PLA2R1: variants seen among roughly 807,000 people sequenced by gnomAD.
PLA2R1 encodes the protein phospholipase A2 receptor 1, also known as secretory phospholipase A2 receptor.
Under a neutral mutation model 195.9 loss-of-function variants are expected in PLA2R1, and 158 were observed. The ratio of observed to expected loss-of-function variants is 0.81; its 90% CI spans 0.71 to 0.92. The LOEUF is 0.92. Among genes scored for constraint, PLA2R1 ranks in the 40% least tolerant of loss-of-function variants. The pLI, the probability that PLA2R1 is intolerant of heterozygous loss-of-function variation, is 0.00. For synonymous variants in PLA2R1, 586 were observed against 598.2 expected, an observed-to-expected ratio of 0.98 and a Z score of 0.30; for missense variants, 1,626 against 1,764.6, an observed-to-expected ratio of 0.92 and a Z score of 1.41.
At chr2:159,942,058 T>C (rs1326535571) in intron 29 of PLA2R1, 66 bp from the exon 30 acceptor site, 3 of 1,555,962 alleles carry the variant, frequency 1.9e-6, no homozygotes, top group Non-Finnish European at 1.8e-6. Flanking sequence ...ATAGATACTG[T>C]CATACAGCTG....
intron 3 of PLA2R1, among the ~76,000 whole-genome samples, chr2:160,035,683 T>C (rs1464715706): frequency 1.3e-5 from 2 of 152,156 alleles, no homozygotes; most frequent in African/African-American, 4.8e-5. Flanking sequence ...CCAGAATCTT[T>C]TTCATGGTGT....
chr2:160,010,364 C>CA (rs1329592852), intron 10 of PLA2R1, among the ~76,000 whole-genome samples: 1 of 152,180 alleles, frequency 6.6e-6, no homozygotes, highest in African/African-American at 2.4e-5. Context: ...AATCAGCAAG[C>CA]AAACAAAAAT....
intron 11 of PLA2R1, among the ~76,000 whole-genome samples, chr2:159,990,753 G>A (rs531237086): frequency 6.6e-6 from 1 of 152,300 alleles, no homozygotes; most frequent in South Asian, 2.1e-4. Context: ...GAAACTCTTC[G>A]AGACAGGCAT....
In PLA2R1 at chr2:159,951,404, G is replaced by C; in HGVS notation, c.3476C>G (p.Ser1159Cys). 6.2e-7 allele frequency: 1 copy of C among 1,613,960 alleles called. No homozygotes were observed. The highest frequency in any genetic ancestry group is 8.5e-7 in the Non-Finnish European group (1 of 1,179,858). Residue 1159 changes from serine (S) to cysteine (C), a missense_variant, in exon 24 of 30, where the codon TCC becomes TGC. By Grantham distance (112) the Ser-to-Cys change is moderately radical. Coordinates refer to ENST00000283243, the MANE Select transcript of PLA2R1 (RefSeq NM_007366.5). Reference protein sequence around the residue: ...LVSITDQYHQSFLTVVLNRLG... With the variant: ...LVSITDQYHQCFLTVVLNRLG... ...CCGGTTGAGGACAACAGTGAGGAAG[G>C]ACTGGTGATACTGGTCTGTGATGCT... is the stretch of plus-strand genomic sequence containing the variant.
intron 19 of PLA2R1, among the ~76,000 whole-genome samples, 177 bp from the exon 20 acceptor site, chr2:159,967,855 AG>A (rs1688889210): frequency 6.6e-6 from 1 of 152,216 alleles, no homozygotes; most frequent in South Asian, 2.1e-4. Context: ...TAACTGGGCA[AG>A]GCCAACTCAG....
chr2:160,001,625 T>G (rs1691602032), intron 11 of PLA2R1, among the ~76,000 whole-genome samples: 1 of 151,972 alleles, frequency 6.6e-6, no homozygotes, highest in South Asian at 2.1e-4. Context: ...AAAAATGTAC[T>G]AGGCCAATAC....
In PLA2R1 at chr2:159,944,997, G is replaced by C. The variant is rs1271734977; in HGVS notation, c.4053C>G (p.Pro1351=). The C allele has an allele frequency of 1.9e-6, 3 of 1,613,398 alleles. No individual in the cohort carries two copies. Among genetic ancestry groups the C allele is most frequent in the Non-Finnish European group, 2.5e-6 (3 of 1,179,692 alleles). Residue 1351 remains proline (P), a synonymous_variant, in exon 28 of 30, where the codon CCC becomes CCG. Transcript: ENST00000283243. ...IRKPDTDYFK[P]HHCVALRIPE... Reference sequence around the variant, plus strand: ...GGATCCTCAAGGCAACACAATGATGGGGCTTGAAGTAGTCTGTGTCTGGCT... The same window carrying C: ...GGATCCTCAAGGCAACACAATGATGCGGCTTGAAGTAGTCTGTGTCTGGCT...
chr2:159,984,219 G>A, intron 12 of PLA2R1, 146 bp from the exon 13 acceptor site: 1 of 478,980 alleles, frequency 2.1e-6, no homozygotes. Flanking sequence ...AATATTTACT[G>A]AATTAGAATG....
In PLA2R1 at chr2:160,042,025, T is replaced by G. The variant is rs1207842908; in HGVS notation, c.667A>C (p.Thr223Pro). ...TAGAGAAGACAAAATTTATTCTTAC[T>G]GGGATCAGGGCAAAATCCCCACTTT... ...DEKWGFCPDPTSAEVGCDTIW... is the reference protein window; with the variant it reads ...DEKWGFCPDPPSAEVGCDTIW... Residue 223 changes from threonine to proline, a missense_variant and splice_region_variant, in exon 3 of 30, where the codon ACC (threonine) becomes CCC (proline). Physicochemically the swap from Thr to Pro is conservative, Grantham distance 38. Coordinates refer to ENST00000283243, the MANE Select transcript of PLA2R1 (RefSeq NM_007366.5). 1 of 1,610,542 alleles carries G rather than the reference T, an allele frequency of 6.2e-7. No individual in the cohort carries two copies. The highest frequency in any genetic ancestry group is 1.3e-5 in the African/African-American group (1 of 74,860).
At chr2:160,034,783 A>C (rs1192329302) in intron 3 of PLA2R1, among the ~76,000 whole-genome samples, 1 of 152,076 alleles carries the variant, frequency 6.6e-6, no homozygotes, top group East Asian at 1.9e-4. Flanking sequence ...AAGAGAAAGA[A>C]AGATGCCGGG....
chr2:159,959,093 A>C (rs1230741089), intron 20 of PLA2R1, among the ~76,000 whole-genome samples: 2 of 152,230 alleles, frequency 1.3e-5, no homozygotes, highest in African/African-American at 4.8e-5. Flanking sequence ...TTGGCTTTCA[A>C]GGAGTTTAAT....
Position 160,044,963 on chromosome 2 carries a change from T to C in PLA2R1, c.304A>G (p.Ser102Gly). ...AGGGTGGAGTCACATTCATATAAGC[T>C]TAATGGCTGCTCTGGGGCGGAGAAA... is the stretch of plus-strand genomic sequence containing the variant. Reference protein sequence around the residue: ...LNFSAPEQPLSLYECDSTLVS... With the variant: ...LNFSAPEQPLGLYECDSTLVS... The change falls in exon 2 of 30, where the codon AGC becomes GGC. Residue 102 changes from serine (S) to glycine (G), a missense_variant. Ser to Gly is a moderately conservative substitution (Grantham distance 56). Transcript: ENST00000283243. 2 of 1,614,128 alleles carry C rather than the reference T, an allele frequency of 1.2e-6. No homozygotes were observed. The highest frequency in any genetic ancestry group is 2.2e-5 in the South Asian group (2 of 91,082).
At chr2:160,047,552 CGCTAT>C (rs1401621236) in intron 1 of PLA2R1, among the ~76,000 whole-genome samples, 1 of 152,172 alleles carries the variant, frequency 6.6e-6, no homozygotes, top group East Asian at 1.9e-4. Flanking sequence ...TGAGACACCA[CGCTAT>C]CATCTTTTAT....
At chr2:159,954,725 C>A (rs1337123029) in intron 23 of PLA2R1, among the ~76,000 whole-genome samples, 1 of 152,068 alleles carries the variant, frequency 6.6e-6, no homozygotes, top group Non-Finnish European at 1.5e-5. Context: ...AATAGTGTGG[C>A]TTTGGCATTT....
chr2:159,928,945 C>T (rs531615752), downstream of PLA2R1, among the ~76,000 whole-genome samples: 7 of 152,234 alleles, frequency 4.6e-5, no homozygotes, highest in East Asian at 1.2e-3. Context: ...AATTGGCAAG[C>T]CACATGTAGA....
intron 3 of PLA2R1, among the ~76,000 whole-genome samples, chr2:160,038,138 C>A (rs141270617): frequency 8.5e-5 from 13 of 152,114 alleles, no homozygotes; most frequent in Admixed American, 8.5e-4. Flanking sequence ...AATTCTTTTG[C>A]GAATTCTCTC....
At chr2:160,000,973 A>G (rs1407077082) in intron 11 of PLA2R1, among the ~76,000 whole-genome samples, 1 of 152,130 alleles carries the variant, frequency 6.6e-6, no homozygotes, top group Non-Finnish European at 1.5e-5. Context: ...GAGAGGCAGT[A>G]TTTGAAGAGA....
intron 9 of PLA2R1, among the ~76,000 whole-genome samples, chr2:160,013,755 C>G (rs7599169): frequency 0.24 from 27,279 of 114,436 alleles, 2,881 homozygotes; most frequent in Admixed American, 0.35. Flanking sequence ...GTGTGTGTCT[C>G]TCTCTCTCTG....
intron 17 of PLA2R1, among the ~76,000 whole-genome samples, chr2:159,974,777 C>A (rs897202263): frequency 9.9e-5 from 15 of 152,126 alleles, no homozygotes; most frequent in African/African-American, 3.4e-4. Flanking sequence ...TGTCATCTAA[C>A]TTCTCTTTTT....
Sources: gnomAD v4.1 joint callset for allele counts (sites outside exome capture counted in the v4.1 genomes callset) on GRCh38, gnomAD v4.1.1 for gene constraint, MANE v1.5 for transcripts, NCBI Gene and HGNC (gene_info 2026-07-23, HGNC 2026-07-21) for gene names.